Variants in ABCB7 observed in about 807,000 individuals in gnomAD.
ABCB7 encodes ATP binding cassette subfamily B member 7.
ABCB7 carries 7 observed loss-of-function variants against 54.4 expected under a neutral mutation model. The observed-to-expected ratio is 0.13, with a 90% CI of 0.07 to 0.24. The LOEUF (loss-of-function observed/expected upper bound fraction) is 0.24, where lower values mean the gene tolerates loss of function less well. Ranked by LOEUF, ABCB7 falls within the 10% of genes least tolerant of loss-of-function variation. ABCB7 has a pLI of 1.00. For missense variants in ABCB7, 356 were observed against 570.4 expected, an observed-to-expected ratio of 0.62 and a Z score of 3.83; for synonymous variants, 218 against 207.1, an observed-to-expected ratio of 1.05 and a Z score of -0.45.
Position 75,076,704 on chromosome X carries a change from A to G in ABCB7, c.454-50T>C, listed in dbSNP as rs746926901. On this transcript the variant is annotated intron_variant, in intron 4 of 15. Coordinates refer to ENST00000373394, the MANE Select transcript of ABCB7 (RefSeq NM_001271696.3). ...CCCATTATACACAAAATACTTATTT[A>G]TAAAAGTACAAATATTTACCTTAAA... is the stretch of plus-strand genomic sequence containing the variant. The G allele has an allele frequency of 5.3e-6, 6 of 1,125,014 alleles. No individual in the cohort carries two copies. In the African/African-American group the frequency reaches 1.1e-4, roughly 21 times the overall value. The allele number at this position is 1,125,014 out of a possible 1,213,427, so 92.7% of individuals were successfully genotyped here.
chrX:75,077,875 C>T (rs2081422956), intron 4 of ABCB7, among the ~76,000 whole-genome samples: 1 of 109,744 alleles, frequency 9.1e-6, no homozygotes, highest in African/African-American at 3.3e-5. Flanking sequence ...AAATCTGATT[C>T]CCCTGTAGCC....
At position 75,156,157 on chromosome X, in the gene ABCB7, G is replaced by C; in HGVS notation, c.116C>G (p.Pro39Arg). The C allele has an allele frequency of 8.3e-7, 1 of 1,208,499 alleles. No homozygotes were observed. Among genetic ancestry groups the C allele is most frequent in the East Asian group, 3.0e-5 (1 of 33,702 alleles). ...GCCGAGTTGATGTGGCCTCCACTGC[G>C]GACCTGAGCCGCTAACAGAGACTAA... ...RPLVSVSGSG[P>R]QWRPHQLGAL... The change falls in exon 1 of 16, where the codon CCG becomes CGG. Residue 39 changes from proline (P) to arginine (R), a missense_variant. Pro to Arg is a moderately radical substitution (Grantham distance 103, BLOSUM62 -2). Coordinates refer to ENST00000373394, the MANE Select transcript of ABCB7 (RefSeq NM_001271696.3).
chrX:75,094,019 CATATATATATATATATATATAT>C (rs199523853), intron 4 of ABCB7, among the ~76,000 whole-genome samples: 2 of 46,029 alleles, frequency 4.3e-5, no homozygotes, highest in African/African-American at 1.9e-4. Flanking sequence ...CTGTTATATA[CATATATATATATATATATATAT>C]ATATATATAT....
At chrX:75,054,663 C>T (rs1173053027) in intron 15 of ABCB7, among the ~76,000 whole-genome samples, 3 of 109,726 alleles carry the variant, frequency 2.7e-5, no homozygotes, top group Non-Finnish European at 5.7e-5. Context: ...CCCTTCTCAA[C>T]AGTATTTTTC....
intron 5 of ABCB7, among the ~76,000 whole-genome samples, 166 bp from the exon 6 acceptor site, chrX:75,075,796 A>T (rs748819461): frequency 2.7e-5 from 3 of 112,042 alleles, no homozygotes; most frequent in Admixed American, 9.5e-5. Flanking sequence ...TAGCCTAATG[A>T]GTATTAACTT....
At chrX:75,068,157 G>T (rs952499250) in intron 12 of ABCB7, among the ~76,000 whole-genome samples, 7 of 110,808 alleles carry the variant, frequency 6.3e-5, no homozygotes, top group Non-Finnish European at 7.6e-5. Flanking sequence ...AAAGAGGACA[G>T]GGGAGAGTCC....
At chrX:75,056,603 T>G (rs1235003125) in intron 15 of ABCB7, among the ~76,000 whole-genome samples, 1 of 111,633 alleles carries the variant, frequency 9.0e-6, no homozygotes, top group Admixed American at 9.5e-5. Context: ...GTGCCCAAGA[T>G]CTGGGTGCCA....
chrX:75,076,950 TTATC>T, intron 4 of ABCB7, among the ~76,000 whole-genome samples: 1 of 111,640 alleles, frequency 9.0e-6, no homozygotes, highest in East Asian at 2.8e-4. Context: ...GCTGTCTCCA[TTATC>T]TAAAATCCTA....
In ABCB7 at chrX:75,060,189, C is replaced by T. The variant is rs1045650019; in HGVS notation, c.2043+34G>A. On this transcript the variant is annotated intron_variant, in intron 15 of 15. Coordinates refer to ENST00000373394, the MANE Select transcript of ABCB7 (RefSeq NM_001271696.3). ...GTATCTATAACAATTTCCAGTGTTC[C>T]TCAAATACTAAACTTTAAAGTTAAA... is the stretch of plus-strand genomic sequence containing the variant. 9 of 1,091,336 alleles carry T rather than the reference C, an allele frequency of 8.2e-6. No homozygotes were observed. In the African/African-American group the frequency reaches 1.3e-4, roughly 15 times the overall value. 89.9% of individuals were successfully genotyped at this position (1,091,336 alleles called of 1,213,427 possible). A position where few individuals can be genotyped will look rare whatever the true frequency, so the allele number is the denominator to read the frequency against.
intron 1 of ABCB7, among the ~76,000 whole-genome samples, chrX:75,135,151 C>T (rs1259763279): frequency 9.2e-6 from 1 of 108,532 alleles, no homozygotes; most frequent in African/African-American, 3.3e-5. Flanking sequence ...TTACTGTCGA[C>T]CCCGCAGATA....
intron 3 of ABCB7, among the ~76,000 whole-genome samples, chrX:75,100,483 G>C (rs1300806563): frequency 9.1e-6 from 1 of 110,184 alleles, no homozygotes; most frequent in Admixed American, 9.8e-5. Flanking sequence ...CTTCTGTCAT[G>C]GGGACTTTAC....
Position 75,156,023 on chromosome X carries a change from T to G in ABCB7, c.168+82A>C, listed in dbSNP as rs767948617. ...ATGACTTTCTTCTTGGTGCTCTCTC[T>G]GCCCCGAGGTCAGGAGGGCAACCTT... On this transcript the variant is annotated intron_variant, in intron 1 of 15. Coordinates refer to ENST00000373394, the MANE Select transcript of ABCB7 (RefSeq NM_001271696.3). The G allele has an allele frequency of 6.4e-6, 7 of 1,085,627 alleles. No individual in the cohort carries two copies. In the East Asian group the frequency reaches 1.9e-4, roughly 30 times the overall value. 89.5% of individuals were successfully genotyped at this position (1,085,627 alleles called of 1,213,427 possible).
intron 13 of ABCB7, 70 bp from the exon 14 acceptor site, chrX:75,062,501 G>T (rs1009551305): frequency 1.2e-5 from 9 of 769,877 alleles, no homozygotes; most frequent in Admixed American, 9.4e-5. Context: ...TGTTTCCATT[G>T]ATTACAACCA....
At chrX:75,060,657 T>C (rs934853062) in intron 14 of ABCB7, among the ~76,000 whole-genome samples, 4 of 111,336 alleles carry the variant, frequency 3.6e-5, no homozygotes, top group African/African-American at 9.8e-5. Context: ...ATCAGGAACA[T>C]AGCCACATAT....
chrX:75,064,313 G>A (rs957320674), intron 13 of ABCB7, among the ~76,000 whole-genome samples: 2 of 111,240 alleles, frequency 1.8e-5, no homozygotes, highest in African/African-American at 3.3e-5. Context: ...ATGTGGATTC[G>A]TTAAAATTCA....
At chrX:75,097,762 T>C (rs1325642929) in intron 4 of ABCB7, among the ~76,000 whole-genome samples, 1 of 111,755 alleles carries the variant, frequency 8.9e-6, no homozygotes, top group Non-Finnish European at 1.9e-5. Context: ...TACCATTATT[T>C]TTGGAAATCT....
At chrX:75,122,623 T>C (rs1381435709) in intron 1 of ABCB7, among the ~76,000 whole-genome samples, 1 of 112,408 alleles carries the variant, frequency 8.9e-6, no homozygotes, top group Non-Finnish European at 1.9e-5. Context: ...TTTCTCAATG[T>C]AGAGTCCCAC....
chrX:75,153,754 G>GTATATATATATA (rs2082150995), intron 1 of ABCB7, among the ~76,000 whole-genome samples: 1 of 10,314 alleles, frequency 9.7e-5, no homozygotes, highest in African/African-American at 1.1e-4. Context: ...GTGCGTGTGT[G>GTATATATATATA]TGTGTGTATA....
At position 75,156,207 on chromosome X, in the gene ABCB7, C is replaced by T. The variant is rs746368516; in HGVS notation, c.66G>A (p.Arg22=). 28 of 1,203,485 alleles carry T rather than the reference C, an allele frequency of 2.3e-5. No individual in the cohort carries two copies. Among genetic ancestry groups the T allele is most frequent in the Non-Finnish European group, 2.9e-5 (26 of 892,032 alleles). Residue 22 remains arginine, a synonymous_variant, in exon 1 of 16, where the codon CGG becomes CGA. Coordinates refer to ENST00000373394, the MANE Select transcript of ABCB7 (RefSeq NM_001271696.3). ...AAAAAAFEKR[R]HSAILIRPLV... ...AAGGCCGGATCAGAATCGCGGAGTG[C>T]CGGCGCTTTTCGAAAGCAGCCGCCG...
Sources: allele counts gnomAD v4.1 joint callset (sites outside exome capture counted in the v4.1 genomes callset), GRCh38; gene constraint gnomAD v4.1.1; transcripts MANE v1.5; gene names NCBI Gene and HGNC (gene_info 2026-07-23, HGNC 2026-07-21).